The following TLE4 variants were observed in gnomAD, a reference collection of about 807,000 sequenced individuals.
TLE4 encodes the protein transducin-like enhancer protein 4.
Under a neutral mutation model 92.8 loss-of-function variants are expected in TLE4, and 8 were observed. That is an observed-to-expected ratio of 0.09 (90% CI 0.05 to 0.16). The LOEUF (loss-of-function observed/expected upper bound fraction) is 0.16. Ranked by LOEUF, TLE4 falls within the 10% of genes least tolerant of loss-of-function variation. The pLI, the probability that TLE4 is intolerant of heterozygous loss-of-function variation, is 1.00. For missense variants in TLE4, 675 were observed against 997.6 expected, an observed-to-expected ratio of 0.68 and a Z score of 4.36; for synonymous variants, 371 against 374.1, an observed-to-expected ratio of 0.99 and a Z score of 0.10.
At chr9:79,630,280 C>T (rs537643919) in intron 6 of TLE4, among the ~76,000 whole-genome samples, 14 of 152,202 alleles carry the variant, frequency 9.2e-5, no homozygotes, top group East Asian at 1.9e-4. Flanking sequence ...GAAGTGATCC[C>T]GTAATCTGGA....
rs562505693 is a variant in TLE4, at chr9:79,718,706, C to T, written c.1341-16C>T. On this transcript the variant is annotated splice_polypyrimidine_tract_variant and intron_variant, in intron 14 of 19. Coordinates refer to ENST00000376552, the MANE Select transcript of TLE4 (RefSeq NM_007005.6). ...TTTACATTCCCCTCTTTCTTTTTTC[C>T]TCTCCATTGCCTTAGAGCATACTCC... 3.7e-5 allele frequency: 58 copies of T among 1,586,946 alleles called. No individual in the cohort carries two copies. The highest frequency in any genetic ancestry group is 3.4e-4 in the Middle Eastern group (2 of 5,918).
intron 8 of TLE4, among the ~76,000 whole-genome samples, chr9:79,702,833 A>G (rs1240374406): frequency 1.3e-5 from 2 of 152,162 alleles, no homozygotes; most frequent in African/African-American, 4.8e-5. Context: ...AAGAGTTGCC[A>G]TCACCACAGG....
At chr9:79,669,332 G>T (rs1337772190) in intron 8 of TLE4, among the ~76,000 whole-genome samples, 1 of 152,132 alleles carries the variant, frequency 6.6e-6, no homozygotes, top group African/African-American at 2.4e-5. Context: ...CACAGAATAT[G>T]CCTTCTCTGA....
rs568131965 is a variant in TLE4, at chr9:79,650,011, G to T, written c.391-2582G>T. 2.6e-5 allele frequency among the ~76,000 whole-genome samples: 4 copies of T among 151,830 alleles called. No individual in the cohort carries two copies. The South Asian group carries it at 6.3e-4, about 24-fold the overall frequency. ...GCTCACTGCAGCCATGACCTCCCTG[G>T]CTCAGGTGATTCTCCCACCTCAGCC... On this transcript the variant is annotated intron_variant, in intron 6 of 19. Coordinates refer to ENST00000376552, the MANE Select transcript of TLE4 (RefSeq NM_007005.6).
chr9:79,573,604 C>T, intron 1 of TLE4, 85 bp from the exon 2 acceptor site: 5 of 1,169,512 alleles, frequency 4.3e-6, no homozygotes, highest in Admixed American at 2.3e-5. Context: ...CCTCACCCCC[C>T]GCTAACGCCG....
chr9:79,708,889 T>G, intron 13 of TLE4, 103 bp downstream of exon 13: 1 of 1,375,054 alleles, frequency 7.3e-7, no homozygotes, highest in Non-Finnish European at 9.7e-7. Flanking sequence ...TGGAGTGCAG[T>G]GGCATGATCT....
intron 4 of TLE4, chr9:79,576,415 G>T: frequency 3.3e-6 from 1 of 306,020 alleles, no homozygotes; most frequent in Non-Finnish European, 5.9e-6. Flanking sequence ...ATTAAACTCT[G>T]TACACTTTCA....
At chr9:79,620,437 A>G (rs2050678507) in intron 5 of TLE4, among the ~76,000 whole-genome samples, 1 of 152,162 alleles carries the variant, frequency 6.6e-6, no homozygotes, top group African/African-American at 2.4e-5. Context: ...ATCCGTGAAG[A>G]ATGCCCTGTC....
chr9:79,676,972 A>C (rs1193834344), intron 8 of TLE4, among the ~76,000 whole-genome samples: 1 of 152,146 alleles, frequency 6.6e-6, no homozygotes, highest in Non-Finnish European at 1.5e-5. Flanking sequence ...TTTCCCATGC[A>C]TCCATGGTTT....
intron 8 of TLE4, among the ~76,000 whole-genome samples, chr9:79,680,110 G>T (rs545426433): frequency 0.01 from 1,570 of 152,134 alleles, 33 homozygotes; most frequent in African/African-American, 0.035. Flanking sequence ...GCTCTTTTTT[G>T]GTTCCATATG....
rs183939991 is a variant in TLE4, at chr9:79,647,837, A to G, written c.391-4756A>G. Among the ~76,000 whole-genome samples the G allele has an allele frequency of 3.5e-3, 529 of 151,964 alleles. 2 individuals are homozygous for G. The highest frequency in any genetic ancestry group is 5.3e-3 in the Non-Finnish European group (363 of 67,940). On this transcript the variant is annotated intron_variant, in intron 6 of 19. Coordinates refer to ENST00000376552, the MANE Select transcript of TLE4 (RefSeq NM_007005.6). ...AAGTATCTTAATGGTATTGAGCTTAAGTGGTGTCAGAATTGAGAGACAGTG... is the reference window on the plus strand; with the variant it reads ...AAGTATCTTAATGGTATTGAGCTTAGGTGGTGTCAGAATTGAGAGACAGTG...
intron 8 of TLE4, among the ~76,000 whole-genome samples, chr9:79,665,971 A>G (rs1405213519): frequency 6.6e-6 from 1 of 152,196 alleles, no homozygotes; most frequent in Non-Finnish European, 1.5e-5. Flanking sequence ...AAAATTCTCA[A>G]ATTTTATTTC....
chr9:79,583,649 TTGTAA>T (rs1365959456), intron 4 of TLE4, among the ~76,000 whole-genome samples: 1 of 152,106 alleles, frequency 6.6e-6, no homozygotes, highest in Non-Finnish European at 1.5e-5. Context: ...ATTATTATTA[TTGTAA>T]TTTGGGTTCT....
intron 8 of TLE4, among the ~76,000 whole-genome samples, chr9:79,658,801 T>C (rs1330746693): frequency 6.6e-6 from 1 of 152,124 alleles, no homozygotes; most frequent in Non-Finnish European, 1.5e-5. Context: ...AGGCATAAAA[T>C]AATAGAAAGG....
intron 8 of TLE4, among the ~76,000 whole-genome samples, chr9:79,669,379 A>G (rs2061898971): frequency 6.6e-6 from 1 of 152,228 alleles, no homozygotes; most frequent in African/African-American, 2.4e-5. Context: ...GAGGCCAGAA[A>G]AATGTTTAAA....
At chr9:79,722,734 A>G (rs1452322721) in intron 18 of TLE4, 133 bp downstream of exon 18, 1 of 1,162,262 alleles carries the variant, frequency 8.6e-7, no homozygotes, top group Non-Finnish European at 1.2e-6. Flanking sequence ...TTCCTGATAC[A>G]TGCCTGCTTC....
chr9:79,583,782 C>A (rs1431223385), intron 4 of TLE4, among the ~76,000 whole-genome samples: 1 of 152,106 alleles, frequency 6.6e-6, no homozygotes, highest in Non-Finnish European at 1.5e-5. Flanking sequence ...AAATTATAAG[C>A]ACTAGTACTC....
At chr9:79,655,382 C>T (rs1166800279) in intron 8 of TLE4, among the ~76,000 whole-genome samples, 1 of 152,132 alleles carries the variant, frequency 6.6e-6, no homozygotes, top group Non-Finnish European at 1.5e-5. Context: ...AAAATTTTCT[C>T]CCAGAACCAC....
chr9:79,616,572 A>C (rs1490084917), intron 5 of TLE4, among the ~76,000 whole-genome samples: 2 of 152,164 alleles, frequency 1.3e-5, no homozygotes, highest in Non-Finnish European at 2.9e-5. Flanking sequence ...ATAGAAGAAA[A>C]AATGAAAATT....
Sources: allele counts gnomAD v4.1 joint callset (sites outside exome capture counted in the v4.1 genomes callset), GRCh38; gene constraint gnomAD v4.1.1; transcripts MANE v1.5; gene names NCBI Gene and HGNC (gene_info 2026-07-23, HGNC 2026-07-21).